Variants in PALS2 observed in about 807,000 individuals in gnomAD.
The protein encoded by PALS2 is protein associated with LIN7 2, MAGUK p55 family member, also known as protein PALS2.
Under a neutral mutation model 61.6 loss-of-function variants are expected in PALS2, and 27 were observed. The observed-to-expected ratio is 0.44, with a 90% confidence interval of 0.32 to 0.60. PALS2 has a LOEUF of 0.60. Ranked by LOEUF, PALS2 falls within the 20% of genes least tolerant of loss-of-function variation. PALS2 has a pLI of 0.05. For missense variants in PALS2, 554 were observed against 639.4 expected (o/e 0.87, Z 1.44); for synonymous variants, 236 against 218.6 (o/e 1.08, Z -0.70).
chr7:24,684,450 A>T (rs1222487542), intron 11 of PALS2, among the ~76,000 whole-genome samples: 1 of 152,154 alleles, frequency 6.6e-6, no homozygotes, highest in Non-Finnish European at 1.5e-5. Context: ...TTTTAACATG[A>T]TTCTAGTAAT....
chr7:24,641,425 G>A (rs77058811), intron 2 of PALS2, among the ~76,000 whole-genome samples: 5,925 of 152,098 alleles, frequency 0.039, 154 homozygotes, highest in Non-Finnish European at 0.058. Flanking sequence ...GTAAGGGACT[G>A]TAATAGGTTT....
intron 1 of PALS2, among the ~76,000 whole-genome samples, chr7:24,609,814 T>C (rs1784049577): frequency 6.6e-6 from 1 of 152,126 alleles, no homozygotes; most frequent in South Asian, 2.1e-4. Flanking sequence ...AAATGTGGGC[T>C]CTTCTATATG....
At chr7:24,641,903 T>C in intron 3 of PALS2, 35 bp downstream of exon 3, 1 of 1,590,600 alleles carries the variant, frequency 6.3e-7, no homozygotes, top group Non-Finnish European at 8.6e-7. Context: ...TCAAGTTCCC[T>C]GTATTCCCAA....
At chr7:24,597,004 T>C (rs567606444) in intron 1 of PALS2, 4 of 152,104 alleles carry the variant, frequency 2.6e-5, no homozygotes, top group African/African-American at 9.6e-5. Flanking sequence ...AAGAAAAAAA[T>C]TGGATGATTC....
intron 2 of PALS2, among the ~76,000 whole-genome samples, chr7:24,632,130 G>A (rs1464029262): frequency 1.3e-5 from 2 of 152,046 alleles, no homozygotes; most frequent in East Asian, 3.9e-4. Flanking sequence ...ATGCTCTTTT[G>A]TTAAACACAC....
chr7:24,656,272 T>C (rs1181870072), intron 5 of PALS2, among the ~76,000 whole-genome samples: 1 of 152,248 alleles, frequency 6.6e-6, no homozygotes, highest in African/African-American at 2.4e-5. Context: ...GGAGCTGTTT[T>C]TCTAGCCGTT....
chr7:24,641,658 T>A lies in PALS2; in HGVS notation c.118-58T>A, dbSNP rs555752300. ...AACTTTACGAAAAAGAAATAAACCA[T>A]GGTCTGGTGCAAATAACAAATAAGT... is the stretch of plus-strand genomic sequence containing the variant. On this transcript the variant is annotated intron_variant, in intron 2 of 11. Coordinates refer to ENST00000222644, the MANE Select transcript of PALS2 (RefSeq NM_001303037.2). 5 of 1,395,358 alleles carry A rather than the reference T, an allele frequency of 3.6e-6. No homozygotes were observed. In the African/African-American group the frequency reaches 7.3e-5, roughly 20 times the overall value. 86.4% of individuals were successfully genotyped at this position (1,395,358 alleles called of 1,614,324 possible).
chr7:24,629,650 A>T (rs1020455233), intron 2 of PALS2, among the ~76,000 whole-genome samples: 1 of 152,168 alleles, frequency 6.6e-6, no homozygotes, highest in Non-Finnish European at 1.5e-5. Flanking sequence ...AAACAACCCC[A>T]TCAAAAAGTG....
intron 1 of PALS2, among the ~76,000 whole-genome samples, chr7:24,587,943 C>T (rs1014923985): frequency 6.6e-6 from 1 of 152,138 alleles, no homozygotes; most frequent in African/African-American, 2.4e-5. Context: ...TTAGAATACA[C>T]CAGTGATTCT....
At position 24,637,296 on chromosome 7, in the gene PALS2, C is replaced by CTT. The variant is rs35499781; in HGVS notation, c.118-4402_118-4401dup. On this transcript the variant is annotated intron_variant, in intron 2 of 11. Transcript: ENST00000222644. ...TTCTGATTTACTTACACTTACTCAT[C>CTT]TTTTTTTTTTTTTTTTTTTCAGAGC... 2.7e-3 allele frequency among the ~76,000 whole-genome samples: 298 copies of CTT among 109,440 alleles called. 2 individuals are homozygous for CTT. Among genetic ancestry groups the CTT allele is most frequent in the South Asian group, 4.0e-3 (14 of 3,470 alleles). The allele number at this position is 109,440 out of a possible 152,430, so 71.8% of individuals were successfully genotyped here. A position where few individuals can be genotyped will look rare whatever the true frequency, so the allele number is the denominator to read the frequency against.
chr7:24,633,945 T>C (rs1299902037), intron 2 of PALS2, among the ~76,000 whole-genome samples: 1 of 152,176 alleles, frequency 6.6e-6, no homozygotes, highest in Admixed American at 6.6e-5. Context: ...TATTTTATTG[T>C]GGTTTTGATT....
At position 24,648,333 on chromosome 7, in the gene PALS2, C is replaced by T. The variant is rs1490891694; in HGVS notation, c.271-1279C>T. 2.9e-5 allele frequency among the ~76,000 whole-genome samples: 4 copies of T among 140,026 alleles called. 1 individual carries two copies. The highest frequency in any genetic ancestry group is 1.1e-4 in the African/African-American group (4 of 37,460). The allele number at this position is 140,026 out of a possible 152,430, so 91.9% of individuals were successfully genotyped here. A position where few individuals can be genotyped will look rare whatever the true frequency, so the allele number is the denominator to read the frequency against. On this transcript the variant is annotated intron_variant, in intron 3 of 11. Coordinates refer to ENST00000222644, the MANE Select transcript of PALS2 (RefSeq NM_001303037.2). The stretch of plus-strand genomic sequence containing the variant: ...TTGAGACAGAGTTTCACTCTTGTTG[C>T]CCAGGCTGGAGTACAATGGTGCAAT...
At chr7:24,616,921 C>T (rs1432949868) in intron 1 of PALS2, among the ~76,000 whole-genome samples, 1 of 152,082 alleles carries the variant, frequency 6.6e-6, no homozygotes, top group Non-Finnish European at 1.5e-5. Flanking sequence ...AATTCGAGGA[C>T]TTTTGTGCTT....
chr7:24,617,844 T>C lies in PALS2; in HGVS notation c.-2-5822T>C, dbSNP rs73690902. ...GCTGGTGGCATGGGCACATGCCTGC[T>C]TGGCTGGCTTGGAGACACAATGCCT... On this transcript the variant is annotated intron_variant, in intron 1 of 11. Coordinates refer to ENST00000222644, the MANE Select transcript of PALS2 (RefSeq NM_001303037.2). Among the ~76,000 whole-genome samples, 1,121 of 152,280 alleles carry C rather than the reference T, an allele frequency of 7.4e-3. 13 individuals are homozygous for C. Among genetic ancestry groups the C allele is most frequent in the African/African-American group, 0.026 (1,061 of 41,556 alleles).
intron 1 of PALS2, among the ~76,000 whole-genome samples, chr7:24,575,275 AT>A (rs1782601553): frequency 6.6e-6 from 1 of 152,218 alleles, no homozygotes. Context: ...ATTATTTTGC[AT>A]TCTAGGTTAA....
At chr7:24,679,728 C>A (rs1787816058) in intron 10 of PALS2, among the ~76,000 whole-genome samples, 1 of 104,476 alleles carries the variant, frequency 9.6e-6, no homozygotes, top group Admixed American at 8.2e-5. Flanking sequence ...CTACACTATT[C>A]ATTTTGTCAC....
chr7:24,642,570 G>T (rs749965765), intron 3 of PALS2, among the ~76,000 whole-genome samples: 6 of 152,070 alleles, frequency 3.9e-5, no homozygotes, highest in East Asian at 1.9e-4. Flanking sequence ...CTGCATTTTC[G>T]TGGAAAAAGA....
chr7:24,635,152 T>G (rs1378419775), intron 2 of PALS2, among the ~76,000 whole-genome samples: 1 of 152,232 alleles, frequency 6.6e-6, no homozygotes, highest in Non-Finnish European at 1.5e-5. Context: ...CCGTAGTTCG[T>G]TCTGGGGAGT....
rs1252121359 is a variant in PALS2 at position 24,617,558 on chromosome 7, G to A, written c.-2-6108G>A. On this transcript the variant is annotated intron_variant, in intron 1 of 11. Coordinates refer to ENST00000222644, the MANE Select transcript of PALS2 (RefSeq NM_001303037.2). Reference sequence around the variant, plus strand: ...AAAAAACTTAGAGTATTGGTTGCGTGGGGTGCATTCACTTTGTTTTTAGGT... The same window carrying A: ...AAAAAACTTAGAGTATTGGTTGCGTAGGGTGCATTCACTTTGTTTTTAGGT... Among the ~76,000 whole-genome samples the A allele has an allele frequency of 2.0e-5, 3 of 152,164 alleles. No individual in the cohort carries two copies. In the South Asian group the frequency reaches 6.2e-4, roughly 32 times the overall value.
Sources: gnomAD v4.1 joint callset for allele counts (sites outside exome capture counted in the v4.1 genomes callset) on GRCh38, gnomAD v4.1.1 for gene constraint, MANE v1.5 for transcripts, NCBI Gene and HGNC (gene_info 2026-07-23, HGNC 2026-07-21) for gene names.